MS4A8: variants seen among roughly 807,000 people sequenced by gnomAD.
The protein encoded by MS4A8 is membrane spanning 4-domains A8, also known as membrane-spanning 4-domains subfamily A member 8.
A neutral mutation model predicts 23.7 loss-of-function variants in MS4A8; 27 were observed. That is an observed-to-expected ratio of 1.14 (90% CI 0.84 to 1.57). The LOEUF (loss-of-function observed/expected upper bound fraction) is 1.57, where lower values mean the gene tolerates loss of function less well. Ranked by LOEUF, MS4A8 falls within the 40% of genes most tolerant of loss-of-function variation. The pLI, the probability that MS4A8 is intolerant of heterozygous loss-of-function variation, is 0.00. For synonymous variants in MS4A8, 138 were observed against 126.3 expected, an observed-to-expected ratio of 1.09 and a Z score of -0.62; for missense variants, 301 against 311.4, an observed-to-expected ratio of 0.97 and a Z score of 0.25.
chr11:60,712,239 T>A, intron 5 of MS4A8: 2 of 743,986 alleles, frequency 2.7e-6, no homozygotes, highest in Non-Finnish European at 3.3e-6. Flanking sequence ...CTCTCCCTCC[T>A]CAGTGCTCTG....
chr11:60,700,934 T>C lies in MS4A8; in HGVS notation c.74T>C (p.Val25Ala). 6.2e-7 allele frequency: 1 copy of C among 1,614,220 alleles called. No homozygotes were observed. The highest frequency in any genetic ancestry group is 1.7e-5 in the Admixed American group (1 of 60,030). Residue 25 changes from valine to alanine, a missense_variant, in exon 2 of 7, where the codon GTG becomes GCG. Val to Ala is a moderately conservative substitution (Grantham distance 64). Coordinates refer to ENST00000300226, the MANE Select transcript of MS4A8 (RefSeq NM_031457.2). ...GTGGCACCCCACAATGGTTATCCTGTGACCCCAGGAATTATGTCTCACGTG... is the reference window on the plus strand; with the variant it reads ...GTGGCACCCCACAATGGTTATCCTGCGACCCCAGGAATTATGTCTCACGTG... ...LVVAPHNGYP[V>A]TPGIMSHVPL...
intron 5 of MS4A8, 96 bp from the exon 6 acceptor site, chr11:60,714,925 G>T: frequency 1.1e-6 from 1 of 873,174 alleles, no homozygotes; most frequent in Non-Finnish European, 1.9e-6. Flanking sequence ...GGGGACTTCC[G>T]CAAAGCCACA....
intron 4 of MS4A8, among the ~76,000 whole-genome samples, chr11:60,707,721 T>C (rs2088268385): frequency 6.6e-6 from 1 of 151,778 alleles, no homozygotes; most frequent in Admixed American, 6.6e-5. Context: ...GCTTATCACA[T>C]CCCAAGACAC....
At chr11:60,708,554 A>G (rs2088276104) in intron 4 of MS4A8, 96 bp from the exon 5 acceptor site, 2 of 1,312,558 alleles carry the variant, frequency 1.5e-6, no homozygotes, top group South Asian at 1.8e-5. Context: ...ACACAATTTT[A>G]GAAATTGGGG....
At chr11:60,714,215 C>T (rs1267628448) in intron 5 of MS4A8, among the ~76,000 whole-genome samples, 2 of 141,482 alleles carry the variant, frequency 1.4e-5, no homozygotes, top group African/African-American at 3.2e-5. Flanking sequence ...TGAGCCACCG[C>T]GCCCGGCCGG....
At chr11:60,702,857 G>A (rs2088216499) in intron 2 of MS4A8, among the ~76,000 whole-genome samples, 1 of 152,212 alleles carries the variant, frequency 6.6e-6, no homozygotes, top group Non-Finnish European at 1.5e-5. Flanking sequence ...ACATGAATTT[G>A]GAGGAGGGTT....
In MS4A8 at chr11:60,703,388, T is replaced by G; in HGVS notation, c.230T>G (p.Ile77Ser). ...TGGCTCTCCTGACAGGCCATCCAGA[T>G]CATCATTGGCCTGGCTCACATCGGC... ...KEGKTLGAIQ[I>S]IIGLAHIGLG... The change falls in exon 3 of 7, where the codon ATC becomes AGC. Residue 77 changes from isoleucine to serine, a missense_variant. Coordinates refer to ENST00000300226, the MANE Select transcript of MS4A8 (RefSeq NM_031457.2). 6.3e-7 allele frequency: 1 copy of G among 1,576,838 alleles called. No homozygotes were observed. Among genetic ancestry groups the G allele is most frequent in the Non-Finnish European group, 8.6e-7 (1 of 1,163,344 alleles).
chr11:60,703,255 GTATTTCCCA>G (rs2088221311), intron 2 of MS4A8, 114 bp from the exon 3 acceptor site: 2 of 1,157,120 alleles, frequency 1.7e-6, no homozygotes, highest in Admixed American at 8.0e-5. Context: ...TTTCATTTTT[GTATTTCCCA>G]TATTACTTTT....
In MS4A8 at chr11:60,715,732, T is replaced by C. The variant is rs2088338646; in HGVS notation, c.*318T>C. On this transcript the variant is annotated 3_prime_UTR_variant, in exon 7 of 7. Coordinates refer to ENST00000300226, the MANE Select transcript of MS4A8 (RefSeq NM_031457.2). ...CTCTGCTGCATGTGAGCTTGTGGGT[T>C]AGAGGAACAAATATCTAGACATTCA... The C allele has an allele frequency of 8.8e-6, 3 of 340,688 alleles. No homozygotes were observed. The South Asian group carries it at 1.1e-4, about 12-fold the overall frequency. 21.1% of individuals were successfully genotyped at this position (340,688 alleles called of 1,614,324 possible). A position where few individuals can be genotyped will look rare whatever the true frequency, so the allele number is the denominator to read the frequency against.
intron 3 of MS4A8, 56 bp from the exon 4 acceptor site, chr11:60,706,932 G>T: frequency 6.7e-7 from 1 of 1,493,890 alleles, no homozygotes; most frequent in Non-Finnish European, 9.3e-7. Context: ...ACAGAAGCCT[G>T]GGGAAGGGCA....
chr11:60,708,699 T>C lies in MS4A8; in HGVS notation c.452T>C (p.Val151Ala). Residue 151 changes from valine to alanine, a missense_variant, in exon 5 of 7, where the codon GTT becomes GCT. Coordinates refer to ENST00000300226, the MANE Select transcript of MS4A8 (RefSeq NM_031457.2). ...ATCGTCAGTGCAATCTGCTCTGCAG[T>C]TGGAGTCATACTCTTCATCACAGAT... ...LNIVSAICSA[V>A]GVILFITDLS... is the part of the protein sequence containing the mutation. The C allele has an allele frequency of 1.2e-6, 2 of 1,602,434 alleles. No individual in the cohort carries two copies. The highest frequency in any genetic ancestry group is 8.5e-7 in the Non-Finnish European group (1 of 1,175,376).
chr11:60,710,436 C>T (rs377683646), intron 5 of MS4A8, among the ~76,000 whole-genome samples: 6 of 152,308 alleles, frequency 3.9e-5, no homozygotes, highest in South Asian at 4.2e-4. Flanking sequence ...ACCTTGGAGT[C>T]GTCATTGACC....
intron 3 of MS4A8, among the ~76,000 whole-genome samples, chr11:60,706,118 A>C (rs141517706): frequency 6.6e-6 from 1 of 152,230 alleles, no homozygotes; most frequent in Non-Finnish European, 1.5e-5. Context: ...TATACTAAAA[A>C]TAATTGCATA....
intron 5 of MS4A8, among the ~76,000 whole-genome samples, chr11:60,714,267 A>T (rs2088324053): frequency 6.6e-6 from 1 of 151,930 alleles, no homozygotes. Flanking sequence ...GCATTTGTTT[A>T]ACAAAGCACA....
At chr11:60,714,377 G>A (rs1226477591) in intron 5 of MS4A8, among the ~76,000 whole-genome samples, 1 of 152,130 alleles carries the variant, frequency 6.6e-6, no homozygotes, top group Non-Finnish European at 1.5e-5. Context: ...AGCAGCTCGA[G>A]GCAGAAGAAT....
intron 5 of MS4A8, among the ~76,000 whole-genome samples, chr11:60,710,496 T>G (rs1030191055): frequency 6.6e-6 from 1 of 152,124 alleles, no homozygotes; most frequent in African/African-American, 2.4e-5. Context: ...ATCCTGTTGG[T>G]TCTACTTTCA....
chr11:60,708,516 T>A, intron 4 of MS4A8, 134 bp from the exon 5 acceptor site: 1 of 825,070 alleles, frequency 1.2e-6, no homozygotes, highest in Non-Finnish European at 1.8e-6. Flanking sequence ...ATGATTAGGA[T>A]GTTAAATTTT....
intron 2 of MS4A8, 161 bp from the exon 3 acceptor site, chr11:60,703,217 G>A (rs2088220744): frequency 1.3e-6 from 1 of 784,066 alleles, no homozygotes; most frequent in African/African-American, 1.8e-5. Flanking sequence ...TTTTCTCCAG[G>A]CGGAGGGGAG....
chr11:60,706,752 C>T (rs767354973), intron 3 of MS4A8, among the ~76,000 whole-genome samples: 15 of 152,186 alleles, frequency 9.9e-5, no homozygotes, highest in Non-Finnish European at 2.1e-4. Context: ...ATAACTTACC[C>T]AAGGTCAAGA....
Sources: gnomAD v4.1 joint callset for allele counts (sites outside exome capture counted in the v4.1 genomes callset) on GRCh38, gnomAD v4.1.1 for gene constraint, MANE v1.5 for transcripts, NCBI Gene and HGNC (gene_info 2026-07-23, HGNC 2026-07-21) for gene names.